The following CD86 variants were observed in gnomAD, a reference collection of about 807,000 sequenced individuals.
CD86 encodes T-lymphocyte activation antigen CD86.
In CD86, 11 loss-of-function variants were observed where a neutral mutation model predicts 32.1. That is an observed-to-expected ratio of 0.34 (90% CI 0.22 to 0.57). The LOEUF (loss-of-function observed/expected upper bound fraction) is 0.57. Among genes scored for constraint, CD86 ranks in the 20% least tolerant of loss-of-function variants. The probability of loss-of-function intolerance (pLI) is 0.86; values close to 1 mark genes in which losing one functional copy is unlikely to be tolerated. For missense variants in CD86, 359 were observed against 398.4 expected (o/e 0.90, Z 0.84); for synonymous variants, 137 against 135.3 (o/e 1.01, Z -0.09).
At chr3:122,106,615 C>G (rs1027227721) in intron 4 of CD86, 115 bp downstream of exon 4, 9 of 914,774 alleles carry the variant, frequency 9.8e-6, no homozygotes, top group East Asian at 2.4e-5. Flanking sequence ...CATTTTATGA[C>G]GCTGTTAGGA....
At chr3:122,116,395 C>T (rs898264549) in intron 5 of CD86, among the ~76,000 whole-genome samples, 3 of 152,086 alleles carry the variant, frequency 2.0e-5, no homozygotes, top group African/African-American at 7.2e-5. Context: ...GTCACAACAT[C>T]ATTAGTCATC....
chr3:122,091,572 A>G, intron 1 of CD86, 29 bp from the exon 2 acceptor site: 1 of 1,456,844 alleles, frequency 6.9e-7, no homozygotes, highest in Non-Finnish European at 9.1e-7. Context: ...TTTCTAATCA[A>G]GTTTTACCTT....
At chr3:122,099,524 A>C (rs570886253) in intron 2 of CD86, among the ~76,000 whole-genome samples, 15 of 152,348 alleles carry the variant, frequency 9.8e-5, no homozygotes, top group Admixed American at 9.2e-4. Flanking sequence ...GAATGTCACC[A>C]GTCCGCACAA....
At chr3:122,110,678 A>C (rs979911705) in intron 5 of CD86, among the ~76,000 whole-genome samples, 2 of 152,234 alleles carry the variant, frequency 1.3e-5, no homozygotes, top group Non-Finnish European at 2.9e-5. Flanking sequence ...CAAACTGCCA[A>C]TGTATGGAGT....
At chr3:122,091,983 A>C in intron 2 of CD86, 2 of 232,126 alleles carry the variant, frequency 8.6e-6, no homozygotes, top group Non-Finnish European at 1.7e-5. Flanking sequence ...CTGAGACTTG[A>C]CTCTTTTGTT....
chr3:122,107,515 G>T (rs1214451771), intron 4 of CD86, among the ~76,000 whole-genome samples: 3 of 152,156 alleles, frequency 2.0e-5, no homozygotes, highest in Admixed American at 1.3e-4. Context: ...ACCCAGGAGG[G>T]CATGTGTCTA....
chr3:122,114,537 G>C (rs959180962), intron 5 of CD86, among the ~76,000 whole-genome samples: 5 of 152,148 alleles, frequency 3.3e-5, no homozygotes, highest in Non-Finnish European at 5.9e-5. Flanking sequence ...CTGAAGGCAG[G>C]GGAGCCCTGA....
At chr3:122,112,294 AATT>A (rs2073185708) in intron 5 of CD86, among the ~76,000 whole-genome samples, 1 of 152,174 alleles carries the variant, frequency 6.6e-6, no homozygotes, top group East Asian at 1.9e-4. Flanking sequence ...TTTCAAAAGA[AATT>A]ATTATTATTT....
intron 1 of CD86, among the ~76,000 whole-genome samples, chr3:122,087,666 G>T (rs1469671852): frequency 6.6e-6 from 1 of 152,088 alleles, no homozygotes; most frequent in Non-Finnish European, 1.5e-5. Context: ...GATGGTGTGT[G>T]GTCTCCAAAT....
At chr3:122,105,418 A>G (rs2073075799) in intron 3 of CD86, among the ~76,000 whole-genome samples, 1 of 152,204 alleles carries the variant, frequency 6.6e-6, no homozygotes, top group African/African-American at 2.4e-5. Flanking sequence ...CTAAATTATA[A>G]ATTAGTTTGT....
rs577342499 is a variant in CD86 at position 122,085,516 on chromosome 3, G to A, written c.15-6085G>A. Among the ~76,000 whole-genome samples, 45 of 152,314 alleles carry A rather than the reference G, an allele frequency of 3.0e-4. 1 individual carries two copies. The South Asian group carries it at 9.3e-3, about 32-fold the overall frequency. On this transcript the variant is annotated intron_variant, in intron 1 of 6. Coordinates refer to ENST00000330540, the MANE Select transcript of CD86 (RefSeq NM_175862.5). ...CACCAGCTTCCCAGCGTGGGTTTAGGCTTCAGGTGCACACTACTGTGTACC... is the reference window on the plus strand; with the variant it reads ...CACCAGCTTCCCAGCGTGGGTTTAGACTTCAGGTGCACACTACTGTGTACC...
At chr3:122,092,327 T>G (rs1232972546) in intron 2 of CD86, among the ~76,000 whole-genome samples, 1 of 152,310 alleles carries the variant, frequency 6.6e-6, no homozygotes, top group Non-Finnish European at 1.5e-5. Flanking sequence ...TGTGGTCACC[T>G]GTCTTATGCT....
intron 1 of CD86, among the ~76,000 whole-genome samples, chr3:122,056,677 A>G (rs2107492408): frequency 1.3e-5 from 2 of 152,254 alleles, no homozygotes; most frequent in African/African-American, 4.8e-5. Flanking sequence ...AATCGAAGTA[A>G]CTTTCATCTA....
At chr3:122,078,847 A>T (rs1479661741) in intron 1 of CD86, among the ~76,000 whole-genome samples, 3 of 152,230 alleles carry the variant, frequency 2.0e-5, no homozygotes, top group Non-Finnish European at 4.4e-5. Context: ...TTTATCTTAC[A>T]TGTAACCTCA....
At chr3:122,108,682 A>C (rs929378846) in intron 4 of CD86, among the ~76,000 whole-genome samples, 1 of 152,186 alleles carries the variant, frequency 6.6e-6, no homozygotes. Context: ...AGAAACATCA[A>C]AGGTTTTTCA....
chr3:122,100,802 C>T (rs2072988157), intron 2 of CD86, among the ~76,000 whole-genome samples: 1 of 152,182 alleles, frequency 6.6e-6, no homozygotes, highest in African/African-American at 2.4e-5. Flanking sequence ...AACTAGACTT[C>T]GACCATTCCT....
intron 1 of CD86, among the ~76,000 whole-genome samples, chr3:122,061,416 A>G (rs1295393953): frequency 1.3e-5 from 2 of 152,226 alleles, no homozygotes; most frequent in Admixed American, 6.5e-5. Context: ...GTAACTTTTA[A>G]AAAGAAATAA....
chr3:122,118,951 C>T (rs2073299938), intron 6 of CD86, among the ~76,000 whole-genome samples: 1 of 152,178 alleles, frequency 6.6e-6, no homozygotes, highest in Non-Finnish European at 1.5e-5. Context: ...GCTCTGACTG[C>T]ATACCCATAG....
intron 2 of CD86, among the ~76,000 whole-genome samples, chr3:122,102,715 C>T (rs2073030596): frequency 1.3e-5 from 2 of 152,110 alleles, no homozygotes. Flanking sequence ...CAGCATTTCA[C>T]TCATGTGCCT....
Sources: allele counts gnomAD v4.1 joint callset (sites outside exome capture counted in the v4.1 genomes callset), GRCh38; gene constraint gnomAD v4.1.1; transcripts MANE v1.5; gene names NCBI Gene and HGNC (gene_info 2026-07-23, HGNC 2026-07-21).